The following ACTR3C variants were observed in gnomAD, a reference collection of about 807,000 sequenced individuals.
ACTR3C encodes actin-related protein 3C.
In ACTR3C, 18 loss-of-function variants were observed where a neutral mutation model predicts 26.3. The observed-to-expected ratio is 0.68, with a 90% CI of 0.47 to 1.01. ACTR3C has a LOEUF of 1.01. ACTR3C is among the 50% of genes least tolerant of loss of function. ACTR3C has a pLI of 0.00. For missense variants in ACTR3C, 184 were observed against 250.7 expected (o/e 0.73, Z 1.80); for synonymous variants, 55 against 94.5 (o/e 0.58, Z 2.42).
the ACTR3C span, among the ~76,000 whole-genome samples, chr7:150,081,332 A>G: frequency 6.6e-6 from 1 of 151,342 alleles, no homozygotes; most frequent in Admixed American, 6.6e-5. Context: ...AGAAAAGAAA[A>G]AGGAAGAAGG....
At chr7:150,051,574 AGAAAATATTTTT>A in the ACTR3C span, among the ~76,000 whole-genome samples, 4 of 72,416 alleles carry the variant, frequency 5.5e-5, 1 homozygote, top group Non-Finnish European at 1.2e-4. Flanking sequence ...ATTGGGTGTG[AGAAAATATTTTT>A]GAAAATATTT....
the ACTR3C span, among the ~76,000 whole-genome samples, chr7:150,073,253 A>G: frequency 1.3e-5 from 2 of 152,230 alleles, no homozygotes; most frequent in Non-Finnish European, 2.9e-5. Flanking sequence ...GCATGTTCCC[A>G]GAATGCAGAA....
chr7:149,900,899 G>A, the ACTR3C span, among the ~76,000 whole-genome samples: 54,205 of 151,430 alleles, frequency 0.36, 9,826 homozygotes, highest in East Asian at 0.41. Flanking sequence ...CGGGCGTGGT[G>A]GTGGGCACCT....
chr7:150,150,833 C>T, the ACTR3C span, among the ~76,000 whole-genome samples: 1 of 136,250 alleles, frequency 7.3e-6, no homozygotes, highest in Non-Finnish European at 1.6e-5. Context: ...CAATTTTTCA[C>T]TGTTACAAAT....
the ACTR3C span, among the ~76,000 whole-genome samples, chr7:150,081,886 G>A: frequency 4.6e-5 from 7 of 151,730 alleles, no homozygotes; most frequent in Non-Finnish European, 4.4e-5. Context: ...CAAGAGAGAA[G>A]CTCATCTGCA....
chr7:150,215,329 T>A, the ACTR3C span, among the ~76,000 whole-genome samples: 1 of 152,206 alleles, frequency 6.6e-6, no homozygotes, highest in African/African-American at 2.4e-5. Flanking sequence ...AACATTTTAC[T>A]AATTCATTGG....
At chr7:150,262,434 C>A (rs1342637680) in intron 6 of ACTR3C, among the ~76,000 whole-genome samples, 20 of 152,392 alleles carry the variant, frequency 1.3e-4, no homozygotes, top group East Asian at 3.8e-4. Flanking sequence ...CTAAACCGAG[C>A]CTTTTCTGGG....
At chr7:150,051,132 C>T in the ACTR3C span, among the ~76,000 whole-genome samples, 2 of 146,128 alleles carry the variant, frequency 1.4e-5, no homozygotes, top group African/African-American at 5.0e-5. Context: ...ATGTTCTATA[C>T]CTCGTGTGTA....
At chr7:150,045,273 A>G in the ACTR3C span, among the ~76,000 whole-genome samples, 3 of 152,250 alleles carry the variant, frequency 2.0e-5, no homozygotes, top group Admixed American at 2.0e-4. Flanking sequence ...GTGGTTTGAT[A>G]TGTTCATCTA....
the ACTR3C span, among the ~76,000 whole-genome samples, chr7:150,209,255 A>T: frequency 6.8e-6 from 1 of 147,478 alleles, no homozygotes; most frequent in Admixed American, 6.6e-5. Flanking sequence ...AGACAGAGAG[A>T]GAGACAGAAA....
At chr7:150,172,615 C>G in the ACTR3C span, among the ~76,000 whole-genome samples, 3 of 150,058 alleles carry the variant, frequency 2.0e-5, no homozygotes, top group Admixed American at 1.3e-4. Context: ...ACCAATCATG[C>G]CTTCCCAACA....
the ACTR3C span, among the ~76,000 whole-genome samples, chr7:149,887,025 C>A: frequency 2.0e-5 from 3 of 150,496 alleles, no homozygotes; most frequent in African/African-American, 7.3e-5. Context: ...ATGAGTAGGG[C>A]AATGAACAGT....
At chr7:150,319,205 CT>C (rs199647156) in intron 1 of ACTR3C, among the ~76,000 whole-genome samples, 42,060 of 140,466 alleles carry the variant, frequency 0.3, 5,910 homozygotes, top group East Asian at 0.56. Context: ...ATTGCTTCTT[CT>C]TTTTTTTTTT....
At chr7:150,176,010 G>A in the ACTR3C span, among the ~76,000 whole-genome samples, 1 of 150,212 alleles carries the variant, frequency 6.7e-6, no homozygotes, top group Non-Finnish European at 1.5e-5. Flanking sequence ...GCTCTCAGGT[G>A]GAACACGAAT....
rs1180213949 is a variant in ACTR3C, at chr7:150,274,264, G to A, written c.564+10489C>T. ...TGTTTGTTACCAACTGAAGGTTTGA[G>A]GAAACGGCACCAAGCAGGTCTGTCA... On this transcript the variant is annotated intron_variant, in intron 6 of 7. Coordinates refer to ENST00000683684, the MANE Select transcript of ACTR3C (RefSeq NM_001164458.2). The surrounding 1 kb of genome is among the most constrained non-coding windows in gnomAD (Gnocchi z 4.1). 1.3e-5 allele frequency among the ~76,000 whole-genome samples: 2 copies of A among 152,132 alleles called. No individual in the cohort carries two copies. Among genetic ancestry groups the A allele is most frequent in the African/African-American group, 4.8e-5 (2 of 41,406 alleles).
chr7:149,978,529 T>C, the ACTR3C span, among the ~76,000 whole-genome samples: 2 of 151,986 alleles, frequency 1.3e-5, no homozygotes, highest in African/African-American at 4.8e-5. Flanking sequence ...TAAAAGCTAA[T>C]ATGTTGTCAT....
At chr7:150,058,517 G>A in the ACTR3C span, among the ~76,000 whole-genome samples, 1 of 152,196 alleles carries the variant, frequency 6.6e-6, no homozygotes, top group Non-Finnish European at 1.5e-5. Context: ...AGTGGTCAGA[G>A]GAGGGACCCC....
rs1289105331 is a variant in ACTR3C, at chr7:150,271,358, C to T, written c.564+13395G>A. Among the ~76,000 whole-genome samples, 7 of 150,290 alleles carry T rather than the reference C, an allele frequency of 4.7e-5. No homozygotes were observed. The East Asian group carries it at 9.7e-4, about 21-fold the overall frequency. On this transcript the variant is annotated intron_variant, in intron 6 of 7. Transcript: ENST00000683684. ...CCCCTAACAGGCCCACCAACAGGCCCGGATGTGTGGTGTTCTCCTCCCTGT... is the reference window on the plus strand; with the variant it reads ...CCCCTAACAGGCCCACCAACAGGCCTGGATGTGTGGTGTTCTCCTCCCTGT...
At chr7:150,314,707 C>G (rs111799627) in intron 1 of ACTR3C, among the ~76,000 whole-genome samples, 1,673 of 149,748 alleles carry the variant, frequency 0.011, 35 homozygotes, top group African/African-American at 0.039. Context: ...CTTGGGAAGG[C>G]TGAGGTGGGT....
Sources: gnomAD v4.1 joint callset for allele counts (sites outside exome capture counted in the v4.1 genomes callset) on GRCh38, gnomAD v4.1.1 for gene constraint, Gnocchi (gnomAD v3.1) non-coding constraint, MANE v1.5 for transcripts, NCBI Gene and HGNC (gene_info 2026-07-23, HGNC 2026-07-21) for gene names.